The following UFD1 variants were observed in gnomAD, a reference collection of about 807,000 sequenced individuals.
The protein encoded by UFD1 is ubiquitin recognition factor in ER-associated degradation protein 1.
Under a neutral mutation model 45.9 loss-of-function variants are expected in UFD1, and 13 were observed. That is an observed-to-expected ratio of 0.28 (90% CI 0.18 to 0.45). The LOEUF is 0.45. Ranked by LOEUF, UFD1 falls within the 20% of genes least tolerant of loss-of-function variation. The probability of loss-of-function intolerance (pLI) is 1.00; values close to 1 mark genes in which losing one functional copy is unlikely to be tolerated. For missense variants in UFD1, 218 were observed against 389.2 expected (o/e 0.56, Z 3.70); for synonymous variants, 128 against 139.2 (o/e 0.92, Z 0.56).
chr22:19,460,558 T>C (rs1021729800), intron 6 of UFD1, among the ~76,000 whole-genome samples: 3 of 152,150 alleles, frequency 2.0e-5, no homozygotes, highest in African/African-American at 2.4e-5. Context: ...TTTTTAAAAA[T>C]GTGCAGTCTG....
chr22:19,458,166 G>A, intron 6 of UFD1, 27 bp from the exon 7 acceptor site: 1 of 1,613,168 alleles, frequency 6.2e-7, no homozygotes, highest in African/African-American at 1.3e-5. Context: ...GAAATCAGTT[G>A]GATGGTTTCC....
chr22:19,452,938 C>T (rs2089694434), intron 11 of UFD1: 1 of 666,858 alleles, frequency 1.5e-6, no homozygotes, highest in Non-Finnish European at 1.9e-6. Context: ...TCAGTGAGCC[C>T]TTCAAATCTG....
intron 3 of UFD1, 138 bp downstream of exon 3, chr22:19,474,930 C>A: frequency 1.2e-6 from 1 of 815,914 alleles, no homozygotes; most frequent in South Asian, 2.4e-5. Context: ...CCCAGCCCAG[C>A]GCATGCCCTC....
At chr22:19,464,939 C>T (rs1251095407) in intron 6 of UFD1, among the ~76,000 whole-genome samples, 1 of 152,238 alleles carries the variant, frequency 6.6e-6, no homozygotes, top group Non-Finnish European at 1.5e-5. Flanking sequence ...ACAGAACCAG[C>T]AGCCTTGCCA....
chr22:19,471,753 G>A lies in UFD1; in HGVS notation c.225C>T (p.Asp75=). The A allele has an allele frequency of 1.2e-6, 2 of 1,614,156 alleles. No individual in the cohort carries two copies. Among genetic ancestry groups the A allele is most frequent in the Non-Finnish European group, 1.7e-6 (2 of 1,180,042 alleles). Residue 75 remains aspartate, a synonymous_variant, in exon 4 of 12, where the codon GAC becomes GAT. Coordinates refer to ENST00000263202, the MANE Select transcript of UFD1 (RefSeq NM_005659.7). ...MLFKLTNKNS[D]RMTHCGVLEF... is the part of the protein sequence containing the mutation. ...CCAGCACGCCACAATGCGTCATGCG[G>A]TCCGAATTCTTATTGGTCAGTTTGA...
At chr22:19,477,302 G>A (rs566697219) in intron 1 of UFD1, among the ~76,000 whole-genome samples, 58 of 152,316 alleles carry the variant, frequency 3.8e-4, no homozygotes, top group Non-Finnish European at 6.6e-4. Flanking sequence ...AGTGTCCAAT[G>A]ACAGATGAAT....
intron 10 of UFD1, 104 bp from the exon 11 acceptor site, chr22:19,454,934 C>A (rs1601886708): frequency 1.5e-6 from 2 of 1,317,130 alleles, no homozygotes; most frequent in East Asian, 5.1e-5. Flanking sequence ...TGCTGCACCC[C>A]ACCTGGGCCC....
intron 6 of UFD1, among the ~76,000 whole-genome samples, chr22:19,461,594 CTTTCTCCTA>C: frequency 6.6e-6 from 1 of 152,242 alleles, no homozygotes; most frequent in Non-Finnish European, 1.5e-5. Context: ...TGTAGTTTAC[CTTTCTCCTA>C]TCCTTGTGTG....
At chr22:19,469,669 G>T (rs1185862155) in intron 4 of UFD1, among the ~76,000 whole-genome samples, 1 of 152,162 alleles carries the variant, frequency 6.6e-6, no homozygotes, top group Non-Finnish European at 1.5e-5. Context: ...TGGGAGCATG[G>T]GTGGGATGGA....
chr22:19,456,128 C>G (rs930433621), intron 9 of UFD1, among the ~76,000 whole-genome samples: 4 of 152,206 alleles, frequency 2.6e-5, no homozygotes, highest in African/African-American at 9.7e-5. Flanking sequence ...TCTGCTGCTT[C>G]CTGGCACCTC....
At chr22:19,470,464 T>TG (rs1187090619) in intron 4 of UFD1, among the ~76,000 whole-genome samples, 1 of 150,722 alleles carries the variant, frequency 6.6e-6, no homozygotes, top group African/African-American at 2.4e-5. Flanking sequence ...TTTTTTGAGA[T>TG]GGAGTCTCGC....
At chr22:19,478,064 CTTCT>C (rs2089902440) in intron 1 of UFD1, among the ~76,000 whole-genome samples, 1 of 152,172 alleles carries the variant, frequency 6.6e-6, no homozygotes, top group Non-Finnish European at 1.5e-5. Flanking sequence ...TAAGCCATTT[CTTCT>C]CTTTGAATAT....
intron 3 of UFD1, among the ~76,000 whole-genome samples, chr22:19,474,362 T>A (rs1307024775): frequency 6.6e-6 from 1 of 152,000 alleles, no homozygotes; most frequent in East Asian, 1.9e-4. Context: ...CTGCCCAACA[T>A]GGCGGAACCC....
intron 3 of UFD1, among the ~76,000 whole-genome samples, chr22:19,474,274 G>T (rs1026848967): frequency 6.6e-6 from 1 of 152,152 alleles, no homozygotes; most frequent in Non-Finnish European, 1.5e-5. Flanking sequence ...GCCGGGCATG[G>T]TGGTTCACGC....
At chr22:19,459,155 G>A (rs555745563) in intron 6 of UFD1, among the ~76,000 whole-genome samples, 2 of 152,316 alleles carry the variant, frequency 1.3e-5, no homozygotes, top group Admixed American at 1.3e-4. Context: ...ACCATGGTCA[G>A]GGACTGTCTG....
chr22:19,473,278 AGGCTCCCAGTGCCCTGG>A (rs1186665509), intron 3 of UFD1, among the ~76,000 whole-genome samples: 2 of 152,202 alleles, frequency 1.3e-5, no homozygotes, highest in African/African-American at 4.8e-5. Context: ...TGTGACTTAG[AGGCTCCCAGTGCCCTGG>A]GGCTCCCAGT....
At chr22:19,471,618 G>A (rs2089846469) in intron 4 of UFD1, 69 bp downstream of exon 4, 1 of 1,579,584 alleles carries the variant, frequency 6.3e-7, no homozygotes, top group African/African-American at 1.3e-5. Flanking sequence ...CCAGGGCCAG[G>A]ACTCTCGAGT....
chr22:19,460,542 A>G (rs1467757108), intron 6 of UFD1, among the ~76,000 whole-genome samples: 1 of 151,990 alleles, frequency 6.6e-6, no homozygotes, highest in Non-Finnish European at 1.5e-5. Context: ...ACCTGGGAAG[A>G]CCTAGTTTTT....
chr22:19,458,462 T>C (rs2089740502), intron 6 of UFD1, among the ~76,000 whole-genome samples: 1 of 152,194 alleles, frequency 6.6e-6, no homozygotes, highest in Non-Finnish European at 1.5e-5. Context: ...TATTTATTTT[T>C]AGACAGAATC....
Sources: allele counts gnomAD v4.1 joint callset (sites outside exome capture counted in the v4.1 genomes callset), GRCh38; gene constraint gnomAD v4.1.1; transcripts MANE v1.5; gene names NCBI Gene and HGNC (gene_info 2026-07-23, HGNC 2026-07-21).